Variants in SAMD4B observed in about 807,000 individuals in gnomAD.
SAMD4B encodes protein Smaug homolog 2.
In SAMD4B, 5 loss-of-function variants were observed where a neutral mutation model predicts 74.5. That is an observed-to-expected ratio of 0.07 (90% confidence interval 0.04 to 0.14). The LOEUF (loss-of-function observed/expected upper bound fraction) is 0.14, where lower values mean the gene tolerates loss of function less well. SAMD4B is among the 10% of genes least tolerant of loss of function. SAMD4B has a pLI of 1.00. For missense variants in SAMD4B, 608 were observed against 921.8 expected, an observed-to-expected ratio of 0.66 and a Z score of 4.41; for synonymous variants, 373 against 374.9, an observed-to-expected ratio of 1.00 and a Z score of 0.06.
At chr19:39,343,068 C>T (rs1192736225) in intron 1 of SAMD4B, among the ~76,000 whole-genome samples, 1 of 151,844 alleles carries the variant, frequency 6.6e-6, no homozygotes, top group Admixed American at 6.6e-5. Flanking sequence ...TCCTCGGAGG[C>T]CACTCCTCGT....
chr19:39,368,674 TTGGAA>T (rs1402013838), intron 3 of SAMD4B, among the ~76,000 whole-genome samples: 1 of 152,156 alleles, frequency 6.6e-6, no homozygotes, highest in East Asian at 1.9e-4. Context: ...ATGGGATCGA[TTGGAA>T]GGGGAGAATC....
In SAMD4B at chr19:39,355,865, T is replaced by C. The variant is rs538366665; in HGVS notation, c.-205-824T>C. On this transcript the variant is annotated intron_variant, in intron 2 of 13. Transcript: ENST00000610417. ...GAGGAGCCTGAGACAAGCTGGCATC[T>C]CTGGAAGTCGGGGACTTCCCAACCA... is the stretch of plus-strand genomic sequence containing the variant. Among the ~76,000 whole-genome samples the C allele has an allele frequency of 5.9e-5, 9 of 152,322 alleles. No individual in the cohort carries two copies. In the South Asian group the frequency reaches 1.9e-3, roughly 32 times the overall value.
At chr19:39,380,413 T>C (rs879716777) in intron 10 of SAMD4B, among the ~76,000 whole-genome samples, 174 bp from the exon 11 acceptor site, 1 of 152,204 alleles carries the variant, frequency 6.6e-6, no homozygotes, top group Admixed American at 6.5e-5. Flanking sequence ...GAAGAAACCC[T>C]TGTACATGTC....
intron 2 of SAMD4B, among the ~76,000 whole-genome samples, chr19:39,355,366 G>A (rs2076285801): frequency 6.6e-6 from 1 of 152,154 alleles, no homozygotes; most frequent in Non-Finnish European, 1.5e-5. Flanking sequence ...GTCTGTTTAG[G>A]GGTCCCACAG....
At chr19:39,368,444 T>C (rs922821902) in intron 3 of SAMD4B, among the ~76,000 whole-genome samples, 2 of 152,112 alleles carry the variant, frequency 1.3e-5, no homozygotes, top group Admixed American at 6.6e-5. Flanking sequence ...CTTGGATAAA[T>C]ACATACTGTG....
chr19:39,360,909 G>A (rs1034340617), intron 3 of SAMD4B, among the ~76,000 whole-genome samples: 1 of 152,090 alleles, frequency 6.6e-6, no homozygotes, highest in African/African-American at 2.4e-5. Context: ...AGGTTCTTCT[G>A]CTCACCAGGC....
At chr19:39,389,010 T>A (rs544039088), downstream of SAMD4B, 11 of 1,612,830 alleles carry the variant, frequency 6.8e-6, no homozygotes, top group East Asian at 1.8e-4. This position sits in a 1 kb window ranked among gnomAD's most constrained non-coding sequence, Gnocchi z 5.3. Flanking sequence ...TGTAATGCTG[T>A]GAGATCTGGT....
At chr19:39,390,680 C>T, downstream of SAMD4B, 1 of 906,270 alleles carries the variant, frequency 1.1e-6, no homozygotes, top group Admixed American at 2.2e-5. Context: ...ACACCTGAAT[C>T]TCAGAAGGAA....
Position 39,357,033 on chromosome 19 carries a change from A to G in SAMD4B, c.140A>G (p.His47Arg). The G allele has an allele frequency of 6.2e-7, 1 of 1,613,898 alleles. No individual in the cohort carries two copies. The highest frequency in any genetic ancestry group is 1.1e-5 in the South Asian group (1 of 91,042). Residue 47 changes from histidine to arginine, a missense_variant, in exon 3 of 14, where the codon CAC becomes CGC. By Grantham distance (29) the His-to-Arg change is conservative (BLOSUM62 0). This residue lies in a region of SAMD4B where 74 missense variants were observed against 182.0 expected (regional missense o/e 0.41). Coordinates refer to ENST00000610417, the MANE Select transcript of SAMD4B (RefSeq NM_001384574.2). ...QARFLQLCLE[H>R]SLADCNDIHL... is the part of the protein sequence containing the mutation. ...CGCTTCCTGCAGCTCTGCCTGGAGCACTCACTGGCGGACTGCAATGACATC... is the reference window on the plus strand; with the variant it reads ...CGCTTCCTGCAGCTCTGCCTGGAGCGCTCACTGGCGGACTGCAATGACATC...
chr19:39,353,910 C>T (rs758873738), intron 1 of SAMD4B, 96 bp from the exon 2 acceptor site: 1 of 152,124 alleles, frequency 6.6e-6, no homozygotes, highest in African/African-American at 2.4e-5. Flanking sequence ...CCAGATTAGG[C>T]ATGTTTTTAA....
At chr19:39,362,529 A>G (rs1342456975) in intron 3 of SAMD4B, among the ~76,000 whole-genome samples, 1 of 152,168 alleles carries the variant, frequency 6.6e-6, no homozygotes, top group African/African-American at 2.4e-5. Flanking sequence ...CAATATTCCA[A>G]GGGTCTCTGG....
intron 3 of SAMD4B, among the ~76,000 whole-genome samples, chr19:39,357,512 A>G (rs1451627150): frequency 1.3e-5 from 2 of 152,178 alleles, no homozygotes; most frequent in Non-Finnish European, 2.9e-5. Context: ...TTTACCCTCA[A>G]AGGTAGGTTG....
intron 4 of SAMD4B, among the ~76,000 whole-genome samples, chr19:39,371,953 C>T (rs2145720007): frequency 6.6e-6 from 1 of 152,286 alleles, no homozygotes; most frequent in South Asian, 2.1e-4. Context: ...TACTATGCTA[C>T]ACTACCTCCA....
intron 3 of SAMD4B, among the ~76,000 whole-genome samples, chr19:39,367,864 T>C (rs2077059986): frequency 6.6e-6 from 1 of 151,358 alleles, no homozygotes. Context: ...ACCCAAGCCT[T>C]CTTTGATGTG....
intron 1 of SAMD4B, among the ~76,000 whole-genome samples, chr19:39,345,101 G>A (rs577664860): frequency 1.3e-5 from 2 of 152,182 alleles, no homozygotes; most frequent in African/African-American, 4.8e-5. Flanking sequence ...GCAATCAAGA[G>A]TTTTTAACAA....
chr19:39,370,031 G>A lies in SAMD4B; in HGVS notation c.573G>A (p.Gln191=), dbSNP rs575851969. Reference sequence around the variant, plus strand: ...CTGGGGAGGCAGGGCCAGGCTGGCAGGACAAGCCACCCCGGGAAAATGGAC... The same window carrying A: ...CTGGGGAGGCAGGGCCAGGCTGGCAAGACAAGCCACCCCGGGAAAATGGAC... ...LGPGEAGPGW[Q]DKPPRENGHV... The change falls in exon 4 of 14, where the codon CAG becomes CAA. Residue 191 remains glutamine, a synonymous_variant. Transcript: ENST00000610417. 8.1e-6 allele frequency: 13 copies of A among 1,612,270 alleles called. No homozygotes were observed. The highest frequency in any genetic ancestry group is 3.3e-4 in the Middle Eastern group (2 of 6,058).
At chr19:39,382,601 G>T (rs1029837109) in intron 12 of SAMD4B, among the ~76,000 whole-genome samples, 1 of 152,138 alleles carries the variant, frequency 6.6e-6, no homozygotes, top group African/African-American at 2.4e-5. Flanking sequence ...AGTCAGGGAA[G>T]GGTTTAAGCA....
In SAMD4B at chr19:39,375,217, T is replaced by C. The variant is rs2077531543; in HGVS notation, c.668-433T>C. Among the ~76,000 whole-genome samples the C allele has an allele frequency of 1.3e-5, 2 of 152,220 alleles. No homozygotes were observed. The highest frequency in any genetic ancestry group is 4.8e-5 in the African/African-American group (2 of 41,454). ...CAGGTCCTGCATGGCCTTTTAGGCATGTGGAAGCATTTGTATTTTGTTCCC... is the reference window on the plus strand; with the variant it reads ...CAGGTCCTGCATGGCCTTTTAGGCACGTGGAAGCATTTGTATTTTGTTCCC... On this transcript the variant is annotated intron_variant, in intron 4 of 13. Coordinates refer to ENST00000610417, the MANE Select transcript of SAMD4B (RefSeq NM_001384574.2). The surrounding 1 kb of genome is among the most constrained non-coding windows in gnomAD (Gnocchi z 4.1).
Position 39,384,807 on chromosome 19 carries a change from GTTATTT to G in SAMD4B, c.*1284_*1289del, listed in dbSNP as rs2078197885. On this transcript the variant is annotated 3_prime_UTR_variant, in exon 14 of 14. Coordinates refer to ENST00000610417, the MANE Select transcript of SAMD4B (RefSeq NM_001384574.2). The stretch of plus-strand genomic sequence containing the variant: ...TTTCACACCGAAAAGGAAAAAAAAT[GTTATTT>G]TTAGATACATTTTATGAATAACTTT... The G allele has an allele frequency of 6.6e-6, 1 of 151,330 alleles. No homozygotes were observed. The highest frequency in any genetic ancestry group is 1.5e-5 in the Non-Finnish European group (1 of 67,816). 9.4% of individuals were successfully genotyped at this position (151,330 alleles called of 1,614,324 possible).
Sources: gnomAD v4.1 joint callset for allele counts (sites outside exome capture counted in the v4.1 genomes callset) on GRCh38, gnomAD v4.1.1 for gene constraint, gnomAD v4.1.1 regional missense constraint, Gnocchi (gnomAD v3.1) non-coding constraint, MANE v1.5 for transcripts, NCBI Gene and HGNC (gene_info 2026-07-23, HGNC 2026-07-21) for gene names.